Variants in ATP11A observed in about 807,000 individuals in gnomAD.
ATP11A encodes the protein ATPase phospholipid transporting 11A.
Under a neutral mutation model 154.4 loss-of-function variants are expected in ATP11A, and 81 were observed. The observed-to-expected ratio is 0.52, with a 90% confidence interval of 0.44 to 0.63. The LOEUF is 0.63. Ranked by LOEUF, ATP11A falls within the 30% of genes least tolerant of loss-of-function variation. The pLI, the probability that ATP11A is intolerant of heterozygous loss-of-function variation, is 0.00. For synonymous variants in ATP11A, 623 were observed against 585.9 expected (o/e 1.06, Z -0.91); for missense variants, 1,316 against 1,474.3 (o/e 0.89, Z 1.76).
chr13:112,874,369 C>T (rs2140426800), intron 27 of ATP11A, among the ~76,000 whole-genome samples: 1 of 152,342 alleles, frequency 6.6e-6, no homozygotes, highest in Non-Finnish European at 1.5e-5. Flanking sequence ...TCAGTCGAGG[C>T]AGAGCACAGC....
chr13:112,709,534 C>T (rs577793695), intron 1 of ATP11A, among the ~76,000 whole-genome samples: 5 of 152,168 alleles, frequency 3.3e-5, no homozygotes, highest in Non-Finnish European at 7.3e-5. Context: ...TAAGAGCTTC[C>T]TCTGCACAAT....
At chr13:112,781,803 A>G (rs2077507421) in intron 1 of ATP11A, among the ~76,000 whole-genome samples, 1 of 150,504 alleles carries the variant, frequency 6.6e-6, no homozygotes, top group African/African-American at 2.5e-5. Context: ...AAAAAAAAAA[A>G]GAATTTGAAC....
At position 112,838,036 on chromosome 13, in the gene ATP11A, C is replaced by T. The variant is rs866994434; in HGVS notation, c.1705+1785C>T. Reference sequence around the variant, plus strand: ...CCATCAAATGTGGGATGAATCCAGGCTCCACAGTGAGATGTCTACTGATGG... The same window carrying T: ...CCATCAAATGTGGGATGAATCCAGGTTCCACAGTGAGATGTCTACTGATGG... On this transcript the variant is annotated intron_variant, in intron 16 of 29. Transcript: ENST00000375645. The surrounding 1 kb of genome is among the most constrained non-coding windows in gnomAD (Gnocchi z 7.3). Among the ~76,000 whole-genome samples the T allele has an allele frequency of 4.6e-5, 7 of 152,200 alleles. No individual in the cohort carries two copies. In the South Asian group the frequency reaches 6.2e-4, roughly 14 times the overall value.
At chr13:112,818,200 C>CG (rs1473144132) in intron 6 of ATP11A, among the ~76,000 whole-genome samples, 3 of 144,662 alleles carry the variant, frequency 2.1e-5, no homozygotes, top group African/African-American at 5.2e-5. Context: ...CGCTTGGTGA[C>CG]GGGCAGTGAC....
At chr13:112,808,313 G>A (rs539972732) in intron 4 of ATP11A, among the ~76,000 whole-genome samples, 120 of 152,166 alleles carry the variant, frequency 7.9e-4, no homozygotes, top group African/African-American at 2.6e-3. Flanking sequence ...GGGCAAGGCG[G>A]CAAATGAACA....
At chr13:112,837,815 C>T (rs17121757) in intron 16 of ATP11A, among the ~76,000 whole-genome samples, 2,303 of 152,056 alleles carry the variant, frequency 0.015, 64 homozygotes, top group African/African-American at 0.053. Flanking sequence ...TGCCTCACTT[C>T]CTAAGACCCC....
intron 5 of ATP11A, among the ~76,000 whole-genome samples, chr13:112,813,331 G>A (rs990014463): frequency 1.3e-5 from 2 of 152,196 alleles, no homozygotes; most frequent in African/African-American, 4.8e-5. Context: ...CTAAGATTTT[G>A]TCATCTCAAG....
chr13:112,880,638 G>C (rs1395099894), intron 29 of ATP11A: 1 of 1,295,600 alleles, frequency 7.7e-7, no homozygotes, highest in South Asian at 1.2e-5. Flanking sequence ...GGCGCAGTTA[G>C]CTCCACGCTA....
intron 1 of ATP11A, among the ~76,000 whole-genome samples, chr13:112,771,730 C>T (rs2077229706): frequency 6.6e-6 from 1 of 152,246 alleles, no homozygotes; most frequent in Non-Finnish European, 1.5e-5. Flanking sequence ...TAGTCCCAGC[C>T]GCGGGCACAC....
intron 1 of ATP11A, among the ~76,000 whole-genome samples, chr13:112,706,527 T>C (rs1156653762): frequency 3.3e-5 from 5 of 152,254 alleles, no homozygotes; most frequent in Admixed American, 1.3e-4. Context: ...TGCTAATTGC[T>C]TGGTTTGAAT....
In ATP11A at chr13:112,785,481, G is replaced by T. The variant is rs187937305; in HGVS notation, c.162+224G>T. Among the ~76,000 whole-genome samples, 1 of 151,982 alleles carries T rather than the reference G, an allele frequency of 6.6e-6. No individual in the cohort carries two copies. Among genetic ancestry groups the T allele is most frequent in the Non-Finnish European group, 1.5e-5 (1 of 67,994 alleles). On this transcript the variant is annotated intron_variant, in intron 2 of 29. Transcript: ENST00000375645. The surrounding 1 kb of genome is among the most constrained non-coding windows in gnomAD (Gnocchi z 4.8). ...TTTCCACCTGCCCAGGGCTCACAGCGCAGTGTCTCCATTCTCGGGTGACCG... is the reference window on the plus strand; with the variant it reads ...TTTCCACCTGCCCAGGGCTCACAGCTCAGTGTCTCCATTCTCGGGTGACCG...
chr13:112,878,105 T>A, intron 28 of ATP11A, 112 bp from the exon 29 acceptor site: 2 of 1,003,960 alleles, frequency 2.0e-6, no homozygotes, highest in South Asian at 1.3e-5. Context: ...CTCAGCTCTG[T>A]CTCTTGTTTC....
rs2076816374 is a variant in ATP11A at position 112,755,930 on chromosome 13, C to T, written c.40-29205C>T. Among the ~76,000 whole-genome samples the T allele has an allele frequency of 4.0e-5, 5 of 126,450 alleles. No homozygotes were observed. In the South Asian group the frequency reaches 1.1e-3, roughly 28 times the overall value. 83.0% of individuals were successfully genotyped at this position (126,450 alleles called of 152,430 possible). A position where few individuals can be genotyped will look rare whatever the true frequency, so the allele number is the denominator to read the frequency against. On this transcript the variant is annotated intron_variant, in intron 1 of 29. Transcript: ENST00000375645. ...CCCGTCACGGAAGCGGCACTCAGAG[C>T]GGCTCCCAGAACCATTTCCGGTCAC...
At chr13:112,742,331 G>A (rs914682268) in intron 1 of ATP11A, among the ~76,000 whole-genome samples, 17 of 152,144 alleles carry the variant, frequency 1.1e-4, no homozygotes, top group Non-Finnish European at 4.4e-5. Context: ...CTCCCATGTC[G>A]AGTTGCGCCT....
rs1364965241 is a variant in ATP11A at position 112,870,911 on chromosome 13, C to T, written c.2992-824C>T. ...GTGCTGTCCTCACGGGTCGGGCACGCGGTCCTCACGGGTGTGTCTGTGTCT... is the reference window on the plus strand; with the variant it reads ...GTGCTGTCCTCACGGGTCGGGCACGTGGTCCTCACGGGTGTGTCTGTGTCT... On this transcript the variant is annotated intron_variant, in intron 25 of 29. Transcript: ENST00000375645. Among the ~76,000 whole-genome samples the T allele has an allele frequency of 5.3e-5, 8 of 152,316 alleles. No homozygotes were observed. The East Asian group carries it at 9.7e-4, about 18-fold the overall frequency.
chr13:112,805,875 A>T (rs1040423255), intron 3 of ATP11A, among the ~76,000 whole-genome samples: 117 of 152,106 alleles, frequency 7.7e-4, no homozygotes, highest in African/African-American at 3.9e-4. Flanking sequence ...GACTTTAAAA[A>T]TTTTTCCAAC....
At chr13:112,740,881 C>A (rs1002851475) in intron 1 of ATP11A, among the ~76,000 whole-genome samples, 1 of 152,250 alleles carries the variant, frequency 6.6e-6, no homozygotes, top group Non-Finnish European at 1.5e-5. Flanking sequence ...CCCACTTCCG[C>A]TGCTGACGTC....
intron 8 of ATP11A, among the ~76,000 whole-genome samples, chr13:112,822,513 G>A (rs2078824909): frequency 1.3e-5 from 2 of 152,150 alleles, no homozygotes; most frequent in South Asian, 4.1e-4. Context: ...GTTTCTAATG[G>A]CCAGATAGAG....
chr13:112,710,867 C>T (rs1230934346), intron 1 of ATP11A, among the ~76,000 whole-genome samples: 1 of 152,248 alleles, frequency 6.6e-6, no homozygotes. Flanking sequence ...AGGTTCGGCT[C>T]CCTGGGGCTC....
Sources: gnomAD v4.1 joint callset for allele counts (sites outside exome capture counted in the v4.1 genomes callset) on GRCh38, gnomAD v4.1.1 for gene constraint, Gnocchi (gnomAD v3.1) non-coding constraint, MANE v1.5 for transcripts, NCBI Gene and HGNC (gene_info 2026-07-23, HGNC 2026-07-21) for gene names.